Variants in ZDHHC3 observed in about 807,000 individuals in gnomAD.
The protein encoded by ZDHHC3 is palmitoyltransferase ZDHHC3.
A neutral mutation model predicts 30.6 loss-of-function variants in ZDHHC3; 9 were observed. The observed-to-expected ratio is 0.29, with a 90% CI of 0.18 to 0.51. ZDHHC3 has a LOEUF of 0.51. Among genes scored for constraint, ZDHHC3 ranks in the 20% least tolerant of loss-of-function variants. The probability of loss-of-function intolerance (pLI) is 0.97; values close to 1 mark genes in which losing one functional copy is unlikely to be tolerated. For synonymous variants in ZDHHC3, 136 were observed against 140.2 expected (o/e 0.97, Z 0.21); for missense variants, 246 against 384.2 (o/e 0.64, Z 3.01).
intron 2 of ZDHHC3, among the ~76,000 whole-genome samples, chr3:44,956,124 C>G (rs1459531738): frequency 6.6e-6 from 1 of 152,246 alleles, no homozygotes; most frequent in Non-Finnish European, 1.5e-5. Flanking sequence ...CCTGGAGAGG[C>G]TGTACGCTTC....
At chr3:44,932,461 T>C (rs1358885371) in intron 5 of ZDHHC3, among the ~76,000 whole-genome samples, 1 of 152,240 alleles carries the variant, frequency 6.6e-6, no homozygotes, top group African/African-American at 2.4e-5. Flanking sequence ...ATTGTGAGTA[T>C]GAAAGAGCCA....
intron 1 of ZDHHC3, among the ~76,000 whole-genome samples, chr3:44,964,808 T>C (rs1184775104): frequency 6.6e-6 from 1 of 152,256 alleles, no homozygotes; most frequent in African/African-American, 2.4e-5. Flanking sequence ...ATTTTGTAAC[T>C]TGAATTATAG....
In ZDHHC3 at chr3:44,926,376, C is replaced by T. The variant is rs1249759306; in HGVS notation, c.*313G>A. 7 of 1,060,058 alleles carry T rather than the reference C, an allele frequency of 6.6e-6. No homozygotes were observed. The highest frequency in any genetic ancestry group is 8.0e-6 in the Non-Finnish European group (7 of 879,170). The allele number at this position is 1,060,058 out of a possible 1,614,324, so 65.7% of individuals were successfully genotyped here. Reference sequence around the variant, plus strand: ...TCTCACTCAGTTAGTAGAATGGGCACAGCGCGAGACAGCGCCCTCTACATT... The same window carrying T: ...TCTCACTCAGTTAGTAGAATGGGCATAGCGCGAGACAGCGCCCTCTACATT... On this transcript the variant is annotated 3_prime_UTR_variant, in exon 7 of 7. Coordinates refer to ENST00000424952, the MANE Select transcript of ZDHHC3 (RefSeq NM_001135179.2).
intron 1 of ZDHHC3, among the ~76,000 whole-genome samples, chr3:44,973,909 A>G (rs978993854): frequency 3.9e-5 from 6 of 152,228 alleles, no homozygotes; most frequent in African/African-American, 1.4e-4. Context: ...AAATGAATCT[A>G]ATAGTGATGG....
intron 2 of ZDHHC3, among the ~76,000 whole-genome samples, chr3:44,947,733 C>T (rs1703076079): frequency 6.6e-6 from 1 of 152,240 alleles, no homozygotes; most frequent in African/African-American, 2.4e-5. Flanking sequence ...CTAGCAGAGT[C>T]TTCTACTCTA....
rs976986703 is a variant in ZDHHC3, at chr3:44,922,456, C to T, written c.*4233G>A. ...GCTAATAATTTGGATCTGCTTCATA[C>T]AGACTTTCTTTGATGTCTTGGCAGT... On this transcript the variant is annotated 3_prime_UTR_variant, in exon 7 of 7. Transcript: ENST00000424952. The T allele has an allele frequency of 1.5e-5, 15 of 985,306 alleles. No individual in the cohort carries two copies. In the Admixed American group the frequency reaches 2.5e-4, roughly 16 times the overall value. 61.0% of individuals were successfully genotyped at this position (985,306 alleles called of 1,614,324 possible).
rs1442403259 is a variant in ZDHHC3, at chr3:44,920,058, T to C, written c.*6631A>G. 1 of 1,180,292 alleles carries C rather than the reference T, an allele frequency of 8.5e-7. No homozygotes were observed. Among genetic ancestry groups the C allele is most frequent in the Non-Finnish European group, 1.1e-6 (1 of 934,502 alleles). 73.1% of individuals were successfully genotyped at this position (1,180,292 alleles called of 1,614,324 possible). A position where few individuals can be genotyped will look rare whatever the true frequency, so the allele number is the denominator to read the frequency against. On this transcript the variant is annotated 3_prime_UTR_variant, in exon 7 of 7. Transcript: ENST00000424952. ...GTGGTTACTTTTGGGGATGGAATTC[T>C]AGAGGATTTGTATTTATTTCTGTAG...
rs1553678952 is a variant in ZDHHC3 at position 44,917,698 on chromosome 3, C to A, written c.*8991G>T. The A allele has an allele frequency of 6.3e-6, 3 of 474,376 alleles. No homozygotes were observed. Among genetic ancestry groups the A allele is most frequent in the Non-Finnish European group, 3.5e-6 (1 of 287,480 alleles). The allele number at this position is 474,376 out of a possible 1,614,324, so 29.4% of individuals were successfully genotyped here. ...GAAAGCCCCCATCCTCCTCTGATGT[C>A]CCCAGCCTACTCCCGACCCCCAGAC... On this transcript the variant is annotated 3_prime_UTR_variant, in exon 7 of 7. Transcript: ENST00000424952.
rs142928618 is a variant in ZDHHC3 at position 44,959,200 on chromosome 3, G to A, written c.237C>T (p.Asn79=). The A allele has an allele frequency of 9.8e-4, 1,580 of 1,614,256 alleles. 48 individuals carry two copies. In the East Asian group the frequency reaches 0.034, roughly 35 times the overall value. The change falls in exon 2 of 7, where the codon AAC becomes AAT. Residue 79 remains asparagine (N), a synonymous_variant. Coordinates refer to ENST00000424952, the MANE Select transcript of ZDHHC3 (RefSeq NM_001135179.2). This position sits in a 1 kb window ranked among gnomAD's most constrained non-coding sequence, Gnocchi z 4.3. ...AGGCCAGCAGGTTGAACACAATTCC[G>A]TTGATGATGCTATACACGTAGTCTC... ...PSRDYVYSII[N]GIVFNLLAFL...
rs1010393328 is a variant in ZDHHC3 at position 44,942,391 on chromosome 3, G to C, written c.431+2777C>G. ...GAGGCAGGAACAGGCAACTCTACAGGCATCCTCACTTTAGTTCATCTGAAT... is the reference window on the plus strand; with the variant it reads ...GAGGCAGGAACAGGCAACTCTACAGCCATCCTCACTTTAGTTCATCTGAAT... On this transcript the variant is annotated intron_variant, in intron 3 of 6. Transcript: ENST00000424952. Among the ~76,000 whole-genome samples the C allele has an allele frequency of 6.6e-5, 10 of 152,334 alleles. No homozygotes were observed. In the East Asian group the frequency reaches 1.5e-3, roughly 24 times the overall value.
At position 44,929,512 on chromosome 3, in the gene ZDHHC3, G is replaced by A. The variant is rs77216068; in HGVS notation, c.611-76C>T. 4,561 of 1,568,206 alleles carry A rather than the reference G, an allele frequency of 2.9e-3. 130 individuals are homozygous for A. The African/African-American group carries it at 0.053, about 18-fold the overall frequency. ...GCCCAGGCTCACTGCCCCACTAGGCGCCCACTCTGCCTCCTGCTTGCAGGC... is the reference window on the plus strand; with the variant it reads ...GCCCAGGCTCACTGCCCCACTAGGCACCCACTCTGCCTCCTGCTTGCAGGC... On this transcript the variant is annotated intron_variant, in intron 5 of 6. Coordinates refer to ENST00000424952, the MANE Select transcript of ZDHHC3 (RefSeq NM_001135179.2).
intron 1 of ZDHHC3, among the ~76,000 whole-genome samples, chr3:44,972,612 C>T (rs116640367): frequency 1.3e-5 from 2 of 152,182 alleles, no homozygotes; most frequent in African/African-American, 4.8e-5. Flanking sequence ...TTGTGGCTAG[C>T]AGCAGCTCTT....
chr3:44,952,883 G>C (rs966166536), intron 2 of ZDHHC3, among the ~76,000 whole-genome samples: 2 of 152,174 alleles, frequency 1.3e-5, no homozygotes, highest in African/African-American at 4.8e-5. Flanking sequence ...TATGGAACAC[G>C]TCATTTAATT....
intron 3 of ZDHHC3, chr3:44,937,990 C>CTT: frequency 4.2e-4 from 150 of 358,434 alleles, no homozygotes; most frequent in South Asian, 5.4e-4. Flanking sequence ...GGAAATACCA[C>CTT]TTTTTTTTTT....
chr3:44,950,184 A>G (rs1239147291), intron 2 of ZDHHC3, among the ~76,000 whole-genome samples: 3 of 152,192 alleles, frequency 2.0e-5, no homozygotes, highest in African/African-American at 7.2e-5. Flanking sequence ...AACTGTGTGG[A>G]TCCTAAAACC....
chr3:44,971,613 T>C (rs1374485625), intron 1 of ZDHHC3, among the ~76,000 whole-genome samples: 3 of 152,222 alleles, frequency 2.0e-5, no homozygotes, highest in African/African-American at 7.2e-5. Flanking sequence ...GTGTGTGTGT[T>C]TAAATATTTC....
chr3:44,924,645 T>C lies in ZDHHC3; in HGVS notation c.*2044A>G. 3.0e-6 allele frequency: 3 copies of C among 985,456 alleles called. No individual in the cohort carries two copies. Among genetic ancestry groups the C allele is most frequent in the Non-Finnish European group, 3.6e-6 (3 of 829,930 alleles). The allele number at this position is 985,456 out of a possible 1,614,324, so 61.0% of individuals were successfully genotyped here. On this transcript the variant is annotated 3_prime_UTR_variant, in exon 7 of 7. Transcript: ENST00000424952. ...GGAAAAGAGCTAACCTGGCTCACTT[T>C]AAAAAATGCCCTGGAAGATGGAGTA...
rs1375351394 is a variant in ZDHHC3, at chr3:44,938,461, G to A, written c.432-4477C>T. The A allele has an allele frequency of 2.8e-5, 6 of 214,770 alleles. No homozygotes were observed. The South Asian group carries it at 4.8e-4, about 17-fold the overall frequency. The allele number at this position is 214,770 out of a possible 1,614,324, so 13.3% of individuals were successfully genotyped here. On this transcript the variant is annotated intron_variant, in intron 3 of 6. Coordinates refer to ENST00000424952, the MANE Select transcript of ZDHHC3 (RefSeq NM_001135179.2). ...TCACAGATGACATCAACAGTGGTGC[G>A]GTGGAGTGCCCAGCTACTTAGAAGC...
chr3:44,942,678 G>A (rs1702543904), intron 3 of ZDHHC3, among the ~76,000 whole-genome samples: 1 of 152,228 alleles, frequency 6.6e-6, no homozygotes, highest in Non-Finnish European at 1.5e-5. Context: ...ATTAGCAATA[G>A]CTTACGCTTG....
Sources: gnomAD v4.1 joint callset for allele counts (sites outside exome capture counted in the v4.1 genomes callset) on GRCh38, gnomAD v4.1.1 for gene constraint, Gnocchi (gnomAD v3.1) non-coding constraint, MANE v1.5 for transcripts, NCBI Gene and HGNC (gene_info 2026-07-23, HGNC 2026-07-21) for gene names.